Variants in CHLSN observed in about 807,000 individuals in gnomAD.
CHLSN encodes cholesin.
the CHLSN span, chr7:1,028,791 T>C: frequency 6.2e-6 from 5 of 800,018 alleles, no homozygotes; most frequent in Non-Finnish European, 7.4e-6. Context: ...CATCTGTCCC[T>C]ATCGCTCCCC....
chr7:1,037,340 A>G, the CHLSN span, among the ~76,000 whole-genome samples: 2 of 136,202 alleles, frequency 1.5e-5, no homozygotes, highest in African/African-American at 2.7e-5. Flanking sequence ...ATCTCGGCTC[A>G]CTGCAACCTC....
chr7:1,043,635 A>T, the CHLSN span: 1 of 152,296 alleles, frequency 6.6e-6, no homozygotes, highest in Non-Finnish European at 1.5e-5. Context: ...GTATCACATC[A>T]GCAGGCGTGG....
the CHLSN span, among the ~76,000 whole-genome samples, chr7:1,005,466 C>T: frequency 3.2e-4 from 48 of 152,350 alleles, 1 homozygote; most frequent in Middle Eastern, 0.01. Flanking sequence ...GACCCAATGC[C>T]CATGAAGGCC....
At chr7:1,104,051 G>C in the CHLSN span, among the ~76,000 whole-genome samples, 1 of 152,214 alleles carries the variant, frequency 6.6e-6, no homozygotes, top group Admixed American at 6.5e-5. Context: ...CACCCACCAG[G>C]CTCTGCCATG....
the CHLSN span, among the ~76,000 whole-genome samples, chr7:1,112,580 G>A: frequency 1.3e-5 from 2 of 152,204 alleles, no homozygotes; most frequent in Admixed American, 6.5e-5. Context: ...TTCCAGCAAC[G>A]ATTGGGCCAA....
At chr7:1,084,051 G>A in the CHLSN span, among the ~76,000 whole-genome samples, 1 of 152,264 alleles carries the variant, frequency 6.6e-6, no homozygotes, top group Non-Finnish European at 1.5e-5. Context: ...CTGTCTGAGG[G>A]GAGGTCACAG....
At chr7:1,016,765 A>ACAGCAGCACACGC in the CHLSN span, among the ~76,000 whole-genome samples, 5 of 77,010 alleles carry the variant, frequency 6.5e-5, no homozygotes, top group Admixed American at 1.3e-4. Flanking sequence ...ACGCCAGCGC[A>ACAGCAGCACACGC]CAGCGCACAG....
At chr7:1,136,493 C>CAT in the CHLSN span, among the ~76,000 whole-genome samples, 70 of 100,122 alleles carry the variant, frequency 7.0e-4, 4 homozygotes, top group African/African-American at 3.5e-3. Context: ...CATATATAAA[C>CAT]ATATAAATAT....
At chr7:1,130,974 GC>G in the CHLSN span, among the ~76,000 whole-genome samples, 1 of 152,174 alleles carries the variant, frequency 6.6e-6, no homozygotes, top group Non-Finnish European at 1.5e-5. Context: ...GACTGCTTGA[GC>G]CCAGGAGTTT....
chr7:1,107,985 G>A, the CHLSN span, among the ~76,000 whole-genome samples: 6 of 118,514 alleles, frequency 5.1e-5, no homozygotes, highest in East Asian at 9.1e-4. Flanking sequence ...CTGGAGACCC[G>A]CACCCCGGGA....
the CHLSN span, chr7:1,057,716 C>A: frequency 1.3e-6 from 1 of 776,144 alleles, no homozygotes; most frequent in South Asian, 1.3e-5. Flanking sequence ...TGTACTTTGT[C>A]AACATGGCAG....
At chr7:1,012,062 G>A in the CHLSN span, among the ~76,000 whole-genome samples, 24,132 of 152,270 alleles carry the variant, frequency 0.16, 2,070 homozygotes, top group Admixed American at 0.22. Flanking sequence ...GCCCACAGCC[G>A]CCAACGGGGC....
At chr7:992,390 C>T in the CHLSN span, among the ~76,000 whole-genome samples, 4 of 151,878 alleles carry the variant, frequency 2.6e-5, no homozygotes, top group East Asian at 1.9e-4. Context: ...GAGGGTGAGG[C>T]CCCCCCACAG....
chr7:1,010,026 G>A, the CHLSN span: 28 of 1,607,428 alleles, frequency 1.7e-5, no homozygotes, highest in Admixed American at 3.3e-5. Context: ...CCTGCCTCCC[G>A]CAGACGCTGC....
At chr7:1,127,415 A>G in the CHLSN span, 2 of 1,587,034 alleles carry the variant, frequency 1.3e-6, no homozygotes, top group East Asian at 4.5e-5. Context: ...ATTGCTGAAG[A>G]CAAGGAAATG....
the CHLSN span, among the ~76,000 whole-genome samples, chr7:1,029,295 T>TTTTTAAA: frequency 6.6e-6 from 1 of 152,164 alleles, no homozygotes; most frequent in Non-Finnish European, 1.5e-5. Flanking sequence ...GTCCAGCTAA[T>TTTTTAAA]TTTTAAATTT....
the CHLSN span, among the ~76,000 whole-genome samples, chr7:1,004,259 G>A: frequency 1.3e-5 from 2 of 152,148 alleles, no homozygotes; most frequent in African/African-American, 2.4e-5. Flanking sequence ...GCCTGCTGGG[G>A]GCTGTTTTAC....
chr7:1,023,676 CACCAG>C, the CHLSN span, among the ~76,000 whole-genome samples: 5 of 112,224 alleles, frequency 4.5e-5, no homozygotes, highest in Admixed American at 1.8e-4. The surrounding 1 kb of genome is among the most constrained non-coding windows in gnomAD (Gnocchi z 5.0). Flanking sequence ...CACACACACA[CACCAG>C]CAACGCGCCC....
chr7:984,676 TG>T, the CHLSN span: 6 of 1,461,620 alleles, frequency 4.1e-6, no homozygotes, highest in Admixed American at 2.5e-5. Flanking sequence ...CAGGGTGGCC[TG>T]GGGAAGAGCA....
Sources: gnomAD v4.1 joint callset for allele counts (sites outside exome capture counted in the v4.1 genomes callset) on GRCh38, gnomAD v4.1.1 for gene constraint, Gnocchi (gnomAD v3.1) non-coding constraint, MANE v1.5 for transcripts, NCBI Gene and HGNC (gene_info 2026-07-23, HGNC 2026-07-21) for gene names.